The following FGF13 variants were observed in gnomAD, a reference collection of about 807,000 sequenced individuals.
The protein encoded by FGF13 is fibroblast growth factor homologous factor 2.
In FGF13, 2 loss-of-function variants were observed where a neutral mutation model predicts 19.5. That is an observed-to-expected ratio of 0.10 (90% CI 0.04 to 0.32). FGF13 has a LOEUF of 0.32. Among genes scored for constraint, FGF13 ranks in the 10% least tolerant of loss-of-function variants. The pLI, the probability that FGF13 is intolerant of heterozygous loss-of-function variation, is 1.00. For synonymous variants in FGF13, 72 were observed against 76.9 expected, an observed-to-expected ratio of 0.94 and a Z score of 0.33; for missense variants, 113 against 192.7, an observed-to-expected ratio of 0.59 and a Z score of 2.45.
chrX:138,705,188 C>T (rs1382414291), intron 2 of FGF13, among the ~76,000 whole-genome samples: 1 of 111,518 alleles, frequency 9.0e-6, no homozygotes, highest in Non-Finnish European at 1.9e-5. Context: ...TAATAAATGA[C>T]AGAGAATGAT....
intron 1 of FGF13, among the ~76,000 whole-genome samples, chrX:139,059,230 GA>G (rs755387676): frequency 2.8e-5 from 3 of 106,942 alleles, no homozygotes; most frequent in Non-Finnish European, 3.9e-5. Context: ...AAAAGAGAGA[GA>G]AAAAAAAACA....
At chrX:138,896,529 T>C (rs2091505106) in intron 1 of FGF13, among the ~76,000 whole-genome samples, 1 of 111,406 alleles carries the variant, frequency 9.0e-6, no homozygotes, top group Non-Finnish European at 1.9e-5. Flanking sequence ...CTAAGTCTCC[T>C]CTCTAACCAT....
intron 1 of FGF13, among the ~76,000 whole-genome samples, chrX:138,723,033 G>A (rs1174318347): frequency 9.0e-6 from 1 of 111,617 alleles, no homozygotes; most frequent in Admixed American, 9.5e-5. Flanking sequence ...GAAAAGATAC[G>A]ACGAGATTAA....
chrX:138,761,830 A>G (rs2090468898), intron 3 of FGF13, among the ~76,000 whole-genome samples: 1 of 111,289 alleles, frequency 9.0e-6, no homozygotes, highest in Non-Finnish European at 1.9e-5. Flanking sequence ...TCTTTCCACG[A>G]AATCCATCCC....
intron 1 of FGF13, among the ~76,000 whole-genome samples, chrX:139,130,936 C>T (rs2083755647): frequency 9.0e-6 from 1 of 111,282 alleles, no homozygotes; most frequent in Non-Finnish European, 1.9e-5. Context: ...TTTGTTTTAT[C>T]ATCGTATCCT....
chrX:139,033,840 C>A (rs1363583337), intron 1 of FGF13, among the ~76,000 whole-genome samples: 1 of 111,592 alleles, frequency 9.0e-6, no homozygotes, highest in Non-Finnish European at 1.9e-5. Context: ...TTGCATAGAG[C>A]AAGTGTTAAC....
intron 3 of FGF13, among the ~76,000 whole-genome samples, chrX:138,744,876 T>C (rs2090344352): frequency 8.9e-6 from 1 of 111,852 alleles, no homozygotes; most frequent in Admixed American, 9.5e-5. Flanking sequence ...CAAGATTTGA[T>C]TTGCTTAAGC....
intron 3 of FGF13, among the ~76,000 whole-genome samples, chrX:138,802,305 C>G (rs1317260443): frequency 9.0e-6 from 1 of 111,382 alleles, no homozygotes; most frequent in Non-Finnish European, 1.9e-5. Flanking sequence ...GTATGTCAGC[C>G]GGGTAGCACA....
chrX:138,692,883 TATGTGC>T (rs900902429), intron 3 of FGF13, among the ~76,000 whole-genome samples: 1 of 111,178 alleles, frequency 9.0e-6, no homozygotes, highest in Non-Finnish European at 1.9e-5. Context: ...CTCTGTTAAA[TATGTGC>T]TCCATGACCT....
intron 3 of FGF13, among the ~76,000 whole-genome samples, chrX:138,804,828 C>G (rs768275611): frequency 1.2e-4 from 13 of 112,084 alleles, no homozygotes; most frequent in Non-Finnish European, 1.9e-5. Context: ...TTCAGACTGT[C>G]TTTTCCACTA....
At chrX:138,633,643 TATAA>T (rs2089147751) in intron 4 of FGF13, among the ~76,000 whole-genome samples, 1 of 112,080 alleles carries the variant, frequency 8.9e-6, no homozygotes, top group Non-Finnish European at 1.9e-5. Context: ...ATTATTGTGC[TATAA>T]ATAAACATAA....
intron 1 of FGF13, among the ~76,000 whole-genome samples, chrX:139,054,899 GTTGTATTGTATTGTA>G (rs555643117): frequency 4.0e-5 from 4 of 98,940 alleles, no homozygotes; most frequent in South Asian, 4.9e-4. Flanking sequence ...GTTGTGTTGT[GTTGTATTGTATTGTA>G]TTGTATTGTA....
chrX:138,815,308 G>A (rs2090954305), intron 3 of FGF13, among the ~76,000 whole-genome samples: 1 of 110,614 alleles, frequency 9.0e-6, no homozygotes, highest in African/African-American at 3.3e-5. Flanking sequence ...TACTTAAAAA[G>A]TGCTAAGAAA....
intron 1 of FGF13, among the ~76,000 whole-genome samples, chrX:138,991,804 C>T (rs938610833): frequency 1.4e-4 from 16 of 111,673 alleles, no homozygotes; most frequent in South Asian, 7.5e-4. Context: ...ATCATCGTAA[C>T]GCAGCCTTCT....
intron 3 of FGF13, among the ~76,000 whole-genome samples, chrX:138,846,724 T>G (rs1028005992): frequency 6.2e-5 from 7 of 112,395 alleles, no homozygotes; most frequent in Non-Finnish European, 1.3e-4. Flanking sequence ...GAGAACTGAC[T>G]AACACATAGG....
chrX:138,816,154 AAAAC>A (rs2090960302), intron 3 of FGF13, among the ~76,000 whole-genome samples: 1 of 112,198 alleles, frequency 8.9e-6, no homozygotes, highest in Non-Finnish European at 1.9e-5. Context: ...AGGGGATAAA[AAAAC>A]AAATCTCAGA....
intron 1 of FGF13, among the ~76,000 whole-genome samples, chrX:139,028,582 C>CGTGTGTGTGT (rs1203709668): frequency 0.09 from 5,492 of 61,153 alleles, 238 homozygotes; most frequent in East Asian, 0.16. Flanking sequence ...GGAGAGAGAG[C>CGTGTGTGTGT]GTGTGTGTGT....
upstream of FGF13, among the ~76,000 whole-genome samples, chrX:138,743,630 G>A (rs1337524653): frequency 9.0e-6 from 1 of 110,602 alleles, no homozygotes; most frequent in Non-Finnish European, 1.9e-5. Context: ...GGAATCACAG[G>A]GTATATGTCA....
chrX:139,005,193 G>C (rs1214495059), intron 1 of FGF13, among the ~76,000 whole-genome samples: 3 of 24,646 alleles, frequency 1.2e-4, no homozygotes, highest in Non-Finnish European at 3.2e-4. Context: ...TTGTGTCACT[G>C]CCCCCCCCCC....
Sources: gnomAD v4.1 joint callset for allele counts (sites outside exome capture counted in the v4.1 genomes callset) on GRCh38, gnomAD v4.1.1 for gene constraint, MANE v1.5 for transcripts, NCBI Gene and HGNC (gene_info 2026-07-23, HGNC 2026-07-21) for gene names.